Variants in TTC28 observed in about 807,000 individuals in gnomAD.
TTC28 encodes tetratricopeptide repeat domain 28.
In TTC28, 61 loss-of-function variants were observed where a neutral mutation model predicts 198.0. The ratio of observed to expected loss-of-function variants is 0.31; its 90% confidence interval spans 0.25 to 0.38. The LOEUF is 0.38. TTC28 is among the 10% of genes least tolerant of loss of function. The probability of loss-of-function intolerance (pLI) is 1.00; values close to 1 mark genes in which losing one functional copy is unlikely to be tolerated. For missense variants in TTC28, 2,678 were observed against 3,164.0 expected (o/e 0.85, Z 3.69); for synonymous variants, 1,171 against 1,297.8 (o/e 0.90, Z 2.10).
intron 2 of TTC28, among the ~76,000 whole-genome samples, chr22:28,334,994 T>C (rs1005489276): frequency 1.3e-5 from 2 of 152,156 alleles, no homozygotes; most frequent in African/African-American, 2.4e-5. Context: ...TTAGGTCTAA[T>C]ATTTAAGTCT....
At chr22:28,001,620 A>G in intron 14 of TTC28, 67 bp from the exon 15 acceptor site, 2 of 1,507,374 alleles carry the variant, frequency 1.3e-6, no homozygotes, top group Non-Finnish European at 1.8e-6. Flanking sequence ...GCACCAGGAC[A>G]ACCCTGAGCC....
rs1043214751 is a variant in TTC28, at chr22:28,187,732, G to A, written c.934-24133C>T. 7.9e-5 allele frequency among the ~76,000 whole-genome samples: 12 copies of A among 152,302 alleles called. No individual in the cohort carries two copies. The South Asian group carries it at 2.5e-3, about 32-fold the overall frequency. The stretch of plus-strand genomic sequence containing the variant: ...GAGCAATCTGGTGATTAAGTCAGCT[G>A]GGGGCATCAAGGATGTGCTTCAGGG... On this transcript the variant is annotated intron_variant, in intron 5 of 22. Coordinates refer to ENST00000397906, the MANE Select transcript of TTC28 (RefSeq NM_001145418.2).
At chr22:28,497,150 T>C (rs1040970590) in intron 2 of TTC28, among the ~76,000 whole-genome samples, 3 of 152,194 alleles carry the variant, frequency 2.0e-5, no homozygotes, top group East Asian at 1.9e-4. Flanking sequence ...ACATCTAATA[T>C]ATTAAGTATT....
intron 2 of TTC28, among the ~76,000 whole-genome samples, chr22:28,608,520 A>G (rs2050768322): frequency 6.6e-6 from 1 of 152,212 alleles, no homozygotes; most frequent in Admixed American, 6.5e-5. Flanking sequence ...TAAAAACTTT[A>G]AAAGAAAAAT....
chr22:28,248,964 T>C (rs1276066951), intron 5 of TTC28, among the ~76,000 whole-genome samples: 1 of 152,156 alleles, frequency 6.6e-6, no homozygotes, highest in African/African-American at 2.4e-5. Flanking sequence ...CACATGTTAA[T>C]TAATAACAGG....
intron 1 of TTC28, among the ~76,000 whole-genome samples, chr22:28,638,672 TG>T (rs563556906): frequency 4.0e-4 from 61 of 152,322 alleles, no homozygotes; most frequent in Non-Finnish European, 7.9e-4. Flanking sequence ...GAACTCCATG[TG>T]GCTTTTAAAC....
intron 13 of TTC28, among the ~76,000 whole-genome samples, chr22:28,019,177 T>C (rs1280995041): frequency 2.6e-5 from 4 of 152,230 alleles, no homozygotes; most frequent in Non-Finnish European, 4.4e-5. Flanking sequence ...TGGCAAGGAA[T>C]GTCACTTCCC....
chr22:28,235,758 C>G (rs1482121840), intron 5 of TTC28, among the ~76,000 whole-genome samples: 1 of 152,128 alleles, frequency 6.6e-6, no homozygotes, highest in Admixed American at 6.5e-5. Flanking sequence ...TAGATCCATA[C>G]CTCCTACTAT....
At chr22:28,365,489 T>C (rs1342176110) in intron 2 of TTC28, among the ~76,000 whole-genome samples, 2 of 152,174 alleles carry the variant, frequency 1.3e-5, no homozygotes, top group Non-Finnish European at 2.9e-5. Context: ...GGGAAATTAT[T>C]TGTAGCAAAA....
At chr22:28,098,242 T>C (rs1942031258) in intron 10 of TTC28, among the ~76,000 whole-genome samples, 1 of 152,168 alleles carries the variant, frequency 6.6e-6, no homozygotes, top group Admixed American at 6.5e-5. Context: ...ACAGCAACCT[T>C]GAAAGATGTG....
chr22:28,595,000 C>T (rs1302565463), intron 2 of TTC28, among the ~76,000 whole-genome samples: 1 of 152,086 alleles, frequency 6.6e-6, no homozygotes, highest in Admixed American at 6.6e-5. Context: ...TTTCTTCTAA[C>T]AATACAATGC....
Position 27,998,653 on chromosome 22 carries a change from A to C in TTC28, c.5006T>G (p.Ile1669Ser). ...PVPVAASKMFIHAFYSSLLNG... is the reference protein window; with the variant it reads ...PVPVAASKMFSHAFYSSLLNG... ...CAGCAGGGATGAGTAGAAGGCATGGATGAACATCTTAGAAGCAGCCACTGG... is the reference window on the plus strand; with the variant it reads ...CAGCAGGGATGAGTAGAAGGCATGGCTGAACATCTTAGAAGCAGCCACTGG... Residue 1669 changes from isoleucine to serine, a missense_variant, in exon 16 of 23, where the codon ATC (isoleucine) becomes AGC (serine). Coordinates refer to ENST00000397906, the MANE Select transcript of TTC28 (RefSeq NM_001145418.2). The C allele has an allele frequency of 2.6e-6, 4 of 1,550,844 alleles. No homozygotes were observed. The highest frequency in any genetic ancestry group is 3.5e-6 in the Non-Finnish European group (4 of 1,146,996).
In TTC28 at chr22:28,568,023, G is replaced by A. The variant is rs192296267; in HGVS notation, c.381+61529C>T. On this transcript the variant is annotated intron_variant, in intron 2 of 22. Coordinates refer to ENST00000397906, the MANE Select transcript of TTC28 (RefSeq NM_001145418.2). ...AAATACATAGAAAACAAAAAAGGGG[G>A]AAGAATGATTATTAATTCAGGGGAA... Among the ~76,000 whole-genome samples, 1,391 of 152,074 alleles carry A rather than the reference G, an allele frequency of 9.1e-3. 15 individuals carry two copies. Among genetic ancestry groups the A allele is most frequent in the Non-Finnish European group, 0.011 (740 of 67,982 alleles).
chr22:28,679,574 G>C (rs1207734721), intron 1 of TTC28, 48 bp downstream of exon 1: 1 of 1,290,202 alleles, frequency 7.8e-7, no homozygotes. Flanking sequence ...TCCCACCGCC[G>C]GAGTTTCACA....
intron 5 of TTC28, among the ~76,000 whole-genome samples, chr22:28,243,540 T>C (rs1219820030): frequency 6.6e-6 from 1 of 152,068 alleles, no homozygotes; most frequent in Non-Finnish European, 1.5e-5. Context: ...AGTACTCCCC[T>C]TACACTGTGT....
intron 2 of TTC28, among the ~76,000 whole-genome samples, chr22:28,337,303 G>T (rs963041032): frequency 6.6e-6 from 1 of 152,266 alleles, no homozygotes; most frequent in East Asian, 1.9e-4. Flanking sequence ...GTGCTGAAAA[G>T]AATGTATATT....
chr22:28,251,191 T>C (rs1601531597), intron 5 of TTC28, among the ~76,000 whole-genome samples: 1 of 152,272 alleles, frequency 6.6e-6, no homozygotes, highest in East Asian at 1.9e-4. Context: ...TGTTTCAAAG[T>C]CCAACTTTCA....
intron 5 of TTC28, among the ~76,000 whole-genome samples, chr22:28,220,622 A>G (rs997521248): frequency 2.6e-5 from 4 of 152,350 alleles, no homozygotes; most frequent in Non-Finnish European, 5.9e-5. Context: ...CCTCATAGCC[A>G]GCAAGGGAGA....
intron 5 of TTC28, among the ~76,000 whole-genome samples, chr22:28,165,027 G>A (rs1197181244): frequency 6.6e-6 from 1 of 152,210 alleles, no homozygotes; most frequent in Non-Finnish European, 1.5e-5. Flanking sequence ...ACTACGTGAT[G>A]AATGCACAAG....
Sources: allele counts gnomAD v4.1 joint callset (sites outside exome capture counted in the v4.1 genomes callset), GRCh38; gene constraint gnomAD v4.1.1; transcripts MANE v1.5; gene names NCBI Gene and HGNC (gene_info 2026-07-23, HGNC 2026-07-21).